CPD: variants seen among roughly 807,000 people sequenced by gnomAD.
CPD encodes the protein carboxypeptidase D, also known as metallocarboxypeptidase D.
Under a neutral mutation model 138.3 loss-of-function variants are expected in CPD, and 69 were observed. The ratio of observed to expected loss-of-function variants is 0.50; its 90% CI spans 0.41 to 0.61. CPD has a LOEUF of 0.61. Ranked by LOEUF, CPD falls within the 20% of genes least tolerant of loss-of-function variation. CPD has a pLI of 0.00. For missense variants in CPD, 1,432 were observed against 1,733.3 expected (o/e 0.83, Z 3.09); for synonymous variants, 651 against 642.1 (o/e 1.01, Z -0.21).
chr17:30,455,598 C>A, intron 15 of CPD, 128 bp downstream of exon 15: 2 of 1,018,570 alleles, frequency 2.0e-6, no homozygotes, highest in Non-Finnish European at 2.9e-6. Context: ...AATTACCAAC[C>A]AAAGAAGATT....
chr17:30,438,931 G>C (rs1912775168), intron 8 of CPD, 44 bp from the exon 9 acceptor site: 2 of 1,166,730 alleles, frequency 1.7e-6, no homozygotes, highest in Non-Finnish European at 2.4e-6. Flanking sequence ...TTTTTTGATG[G>C]AGATACAAAC....
Position 30,455,360 on chromosome 17 carries a change from C to G in CPD, c.3227C>G (p.Thr1076Ser), listed in dbSNP as rs777086325. Residue 1076 changes from threonine (T) to serine (S), a missense_variant, in exon 15 of 21, where the codon ACC becomes AGC. This residue lies in a region of CPD where 366 missense variants were observed against 518.8 expected (regional missense o/e 0.71). Transcript: ENST00000225719. ...DFTNNASQPE[T>S]KAIIENLIQK... ...TTAGATAATGCCTCCCAACCTGAGA[C>G]CAAAGCCATCATTGAAAATTTGATT... 4 of 1,612,882 alleles carry G rather than the reference C, an allele frequency of 2.5e-6. No individual in the cohort carries two copies. The African/African-American group carries it at 5.3e-5, about 22-fold the overall frequency.
Position 30,378,952 on chromosome 17 carries a change from G to A in CPD, c.-29G>A, listed in dbSNP as rs188658801. ...GCCCGGAGCGCTGAGCCGCGGGAGCGGAGCCGGGGTTAGCGGCGCTGCTGG... is the reference window on the plus strand; with the variant it reads ...GCCCGGAGCGCTGAGCCGCGGGAGCAGAGCCGGGGTTAGCGGCGCTGCTGG... On this transcript the variant is annotated 5_prime_UTR_variant, in exon 1 of 21. Transcript: ENST00000225719. 5.6e-6 allele frequency: 8 copies of A among 1,434,796 alleles called. No individual in the cohort carries two copies. The African/African-American group carries it at 7.6e-5, about 14-fold the overall frequency. 88.9% of individuals were successfully genotyped at this position (1,434,796 alleles called of 1,614,324 possible).
At position 30,394,102 on chromosome 17, in the gene CPD, C is replaced by T. The variant is rs146668877; in HGVS notation, c.994+8866C>T. Among the ~76,000 whole-genome samples the T allele has an allele frequency of 4.9e-5, 7 of 143,682 alleles. No individual in the cohort carries two copies. In the East Asian group the frequency reaches 1.2e-3, roughly 25 times the overall value. 94.3% of individuals were successfully genotyped at this position (143,682 alleles called of 152,430 possible). On this transcript the variant is annotated intron_variant, in intron 2 of 20. Coordinates refer to ENST00000225719, the MANE Select transcript of CPD (RefSeq NM_001304.5). Reference sequence around the variant, plus strand: ...AGGCTGCAGTGAGCTATGATTGCACCACTGCACTCCAGCCTTTTTTTTTTT... The same window carrying T: ...AGGCTGCAGTGAGCTATGATTGCACTACTGCACTCCAGCCTTTTTTTTTTT...
At chr17:30,412,389 G>A (rs538458042) in intron 2 of CPD, among the ~76,000 whole-genome samples, 1 of 152,352 alleles carries the variant, frequency 6.6e-6, no homozygotes, top group South Asian at 2.1e-4. Flanking sequence ...GCCATGCTGG[G>A]AGAACCACTG....
chr17:30,401,612 C>T (rs1911674486), intron 2 of CPD, among the ~76,000 whole-genome samples: 1 of 151,936 alleles, frequency 6.6e-6, no homozygotes, highest in South Asian at 2.1e-4. Context: ...GCCTCCTAAG[C>T]AGCCGGGACT....
chr17:30,435,618 C>A (rs979730253), intron 8 of CPD, among the ~76,000 whole-genome samples: 3 of 151,926 alleles, frequency 2.0e-5, no homozygotes, highest in Non-Finnish European at 4.4e-5. Flanking sequence ...ATCGGAAGCA[C>A]AAGTGACAAA....
chr17:30,382,750 C>G (rs1022785177), intron 1 of CPD, among the ~76,000 whole-genome samples: 2 of 152,170 alleles, frequency 1.3e-5, no homozygotes, highest in Admixed American at 6.5e-5. Context: ...TAAAGTTTTA[C>G]TTAACATGTG....
chr17:30,418,563 T>C (rs1912180749), intron 2 of CPD, among the ~76,000 whole-genome samples: 1 of 152,186 alleles, frequency 6.6e-6, no homozygotes, highest in African/African-American at 2.4e-5. Context: ...TAAATTGTGG[T>C]AAAGTATACA....
intron 2 of CPD, among the ~76,000 whole-genome samples, chr17:30,410,721 T>A (rs1911941359): frequency 6.6e-6 from 1 of 152,220 alleles, no homozygotes; most frequent in Non-Finnish European, 1.5e-5. Flanking sequence ...TAGATCTTCC[T>A]CCATCCCTTT....
chr17:30,442,220 G>T, intron 9 of CPD, 88 bp from the exon 10 acceptor site: 1 of 1,265,292 alleles, frequency 7.9e-7, no homozygotes. Flanking sequence ...GATAAATTTG[G>T]CTTTTTACTA....
intron 1 of CPD, chr17:30,380,538 T>G (rs1911012065): frequency 6.9e-7 from 1 of 1,459,772 alleles, no homozygotes; most frequent in African/African-American, 1.4e-5. Context: ...ATACACACTT[T>G]AAGTGTTATT....
chr17:30,435,974 C>T (rs1335504209), intron 8 of CPD, among the ~76,000 whole-genome samples: 1 of 152,172 alleles, frequency 6.6e-6, no homozygotes, highest in Admixed American at 6.5e-5. Context: ...CCCCTTTGTA[C>T]AAGGACACCG....
intron 2 of CPD, among the ~76,000 whole-genome samples, chr17:30,390,534 G>A (rs1200100640): frequency 1.3e-5 from 2 of 152,204 alleles, no homozygotes; most frequent in Non-Finnish European, 2.9e-5. Context: ...ATTAGGTGAT[G>A]TACCGGTATA....
In CPD at chr17:30,434,865, T is replaced by G. The variant is rs572410865; in HGVS notation, c.2127+2984T>G. ...CCGACAGAAAAGTGTACCATTAAGCTAGGAATAATATTAAATGCCCAATAT... is the reference window on the plus strand; with the variant it reads ...CCGACAGAAAAGTGTACCATTAAGCGAGGAATAATATTAAATGCCCAATAT... On this transcript the variant is annotated intron_variant, in intron 8 of 20. Transcript: ENST00000225719. Among the ~76,000 whole-genome samples, 4 of 151,012 alleles carry G rather than the reference T, an allele frequency of 2.6e-5. No individual in the cohort carries two copies. The South Asian group carries it at 8.3e-4, about 31-fold the overall frequency.
At chr17:30,409,376 A>G (rs2143379156) in intron 2 of CPD, among the ~76,000 whole-genome samples, 1 of 152,276 alleles carries the variant, frequency 6.6e-6, no homozygotes, top group South Asian at 2.1e-4. Flanking sequence ...GCCTCATAAA[A>G]TGAGTTAGGG....
intron 17 of CPD, among the ~76,000 whole-genome samples, chr17:30,459,418 T>C (rs1413779036): frequency 1.3e-5 from 2 of 149,006 alleles, no homozygotes; most frequent in African/African-American, 5.0e-5. Flanking sequence ...TTCCCCTTCC[T>C]GTGTCCATGT....
chr17:30,395,666 T>G (rs979668743), intron 2 of CPD, among the ~76,000 whole-genome samples: 3 of 151,978 alleles, frequency 2.0e-5, no homozygotes, highest in Admixed American at 6.6e-5. Flanking sequence ...TTGGATGTAC[T>G]TTTTTCTTTT....
chr17:30,423,231 G>C (rs1355534622), intron 5 of CPD, among the ~76,000 whole-genome samples: 5 of 152,054 alleles, frequency 3.3e-5, no homozygotes, highest in African/African-American at 1.2e-4. Context: ...TATTAGGCAT[G>C]GTATTTAATA....
Sources: allele counts gnomAD v4.1 joint callset (sites outside exome capture counted in the v4.1 genomes callset), GRCh38; gene constraint gnomAD v4.1.1; regional missense constraint gnomAD v4.1.1; transcripts MANE v1.5; gene names NCBI Gene and HGNC (gene_info 2026-07-23, HGNC 2026-07-21).